MALRD1: variants seen among roughly 807,000 people sequenced by gnomAD.
MALRD1 encodes the protein MAM and LDL receptor class A domain containing 1.
Under a neutral mutation model 242.1 loss-of-function variants are expected in MALRD1, and 247 were observed. The observed-to-expected ratio is 1.02, with a 90% confidence interval of 0.92 to 1.13. The LOEUF (loss-of-function observed/expected upper bound fraction) is 1.13, where lower values mean the gene tolerates loss of function less well. MALRD1 is among the 50% of genes most tolerant of loss of function. The pLI is 0.00. For missense variants in MALRD1, 2,989 were observed against 2,533.1 expected, an observed-to-expected ratio of 1.18 and a Z score of -3.86; for synonymous variants, 995 against 866.6, an observed-to-expected ratio of 1.15 and a Z score of -2.60.
intron 36 of MALRD1, among the ~76,000 whole-genome samples, chr10:19,670,066 G>GCACACACACACA (rs3071775): frequency 2.0e-5 from 3 of 148,362 alleles, no homozygotes; most frequent in African/African-American, 7.4e-5. Flanking sequence ...CCTCGCACGT[G>GCACACACACACA]CACACACACA....
intron 32 of MALRD1, among the ~76,000 whole-genome samples, chr10:19,560,908 T>G (rs554568567): frequency 6.6e-6 from 1 of 152,016 alleles, no homozygotes; most frequent in East Asian, 1.9e-4. Context: ...TGTATACCTA[T>G]GTAACAAACC....
chr10:19,121,352 T>C (rs562558728), intron 5 of MALRD1, among the ~76,000 whole-genome samples: 2 of 152,224 alleles, frequency 1.3e-5, no homozygotes. Context: ...CTTGTACACT[T>C]TAAAATAGAT....
intron 2 of MALRD1, among the ~76,000 whole-genome samples, chr10:19,076,425 C>T (rs1258903033): frequency 1.3e-5 from 2 of 151,918 alleles, no homozygotes; most frequent in African/African-American, 2.4e-5. Context: ...TTACAGTTCC[C>T]TGTAAGAGTT....
chr10:19,292,080 CAAAAAAA>C (rs756211363), intron 21 of MALRD1, among the ~76,000 whole-genome samples: 4 of 88,036 alleles, frequency 4.5e-5, no homozygotes, highest in African/African-American at 1.8e-4. Flanking sequence ...AAGACCGTCT[CAAAAAAA>C]AAAAAAAAAA....
At chr10:19,270,180 G>A (rs1840147119) in intron 19 of MALRD1, among the ~76,000 whole-genome samples, 2 of 152,236 alleles carry the variant, frequency 1.3e-5, no homozygotes, top group Middle Eastern at 3.4e-3. Flanking sequence ...GATGGGCATG[G>A]TGGTAGGTGC....
chr10:19,616,355 A>T (rs1839156594), intron 36 of MALRD1, among the ~76,000 whole-genome samples: 1 of 152,032 alleles, frequency 6.6e-6, no homozygotes, highest in South Asian at 2.1e-4. Context: ...TTGCTGGTTT[A>T]TGCAGTGGGT....
intron 36 of MALRD1, among the ~76,000 whole-genome samples, chr10:19,659,359 A>T (rs1489638799): frequency 6.6e-6 from 1 of 152,164 alleles, no homozygotes; most frequent in African/African-American, 2.4e-5. Flanking sequence ...TGTGTATTTC[A>T]CAAATAAGCA....
chr10:19,721,375 G>C (rs953051580), intron 38 of MALRD1, among the ~76,000 whole-genome samples: 15 of 152,078 alleles, frequency 9.9e-5, no homozygotes, highest in Non-Finnish European at 1.6e-4. Flanking sequence ...GTTTACTTCT[G>C]TGGGACAACT....
intron 33 of MALRD1, among the ~76,000 whole-genome samples, chr10:19,584,186 C>G (rs1317882050): frequency 6.6e-6 from 1 of 151,826 alleles, no homozygotes; most frequent in African/African-American, 2.4e-5. Flanking sequence ...CTCCTGGATT[C>G]ATTGATTTTT....
At chr10:19,465,660 A>G (rs754993711) in intron 29 of MALRD1, among the ~76,000 whole-genome samples, 46 of 152,142 alleles carry the variant, frequency 3.0e-4, no homozygotes, top group Non-Finnish European at 5.4e-4. Context: ...CCTCTCAAGT[A>G]GCCATGACCA....
intron 31 of MALRD1, among the ~76,000 whole-genome samples, chr10:19,524,540 G>T (rs1363478733): frequency 1.3e-5 from 2 of 152,054 alleles, no homozygotes; most frequent in South Asian, 2.1e-4. Context: ...GATTGAGAGC[G>T]TTTCACCTGA....
intron 25 of MALRD1, among the ~76,000 whole-genome samples, chr10:19,348,450 C>CAA (rs138513051): frequency 1.9e-4 from 28 of 150,114 alleles, no homozygotes; most frequent in Admixed American, 5.3e-4. Context: ...GTTAGAGCCA[C>CAA]AAAAAAAAAT....
Position 19,156,382 on chromosome 10 carries a change from T to C in MALRD1, c.1656+1210T>C, listed in dbSNP as rs1049192033. On this transcript the variant is annotated intron_variant, in intron 12 of 39. Transcript: ENST00000454679. ...GGTCTCCATTTCCATTTTATCCAAA[T>C]GCCTTTTACCCATTCCCACCTCTTT... 5.9e-5 allele frequency among the ~76,000 whole-genome samples: 9 copies of C among 151,704 alleles called. No homozygotes were observed. In the South Asian group the frequency reaches 1.2e-3, roughly 21 times the overall value.
chr10:19,650,154 G>A (rs1840803685), intron 36 of MALRD1, among the ~76,000 whole-genome samples: 1 of 152,174 alleles, frequency 6.6e-6, no homozygotes, highest in African/African-American at 2.4e-5. Context: ...ATTTTCCTGA[G>A]TAGGATTAGC....
chr10:19,144,641 A>G (rs1040598791), intron 10 of MALRD1, among the ~76,000 whole-genome samples: 1 of 152,202 alleles, frequency 6.6e-6, no homozygotes, highest in African/African-American at 2.4e-5. Flanking sequence ...AAGCAAACCC[A>G]TGGTGATGGA....
rs7078992 is a variant in MALRD1 at position 19,531,510 on chromosome 10, G to T, written c.5478+159G>T. Among the ~76,000 whole-genome samples the T allele has an allele frequency of 4.3e-3, 648 of 152,308 alleles. 4 individuals carry two copies. Among genetic ancestry groups the T allele is most frequent in the African/African-American group, 0.015 (619 of 41,574 alleles). On this transcript the variant is annotated intron_variant, in intron 32 of 39. Coordinates refer to ENST00000454679, the MANE Select transcript of MALRD1 (RefSeq NM_001142308.3). ...TGGGGCAGTGGGACTTTGGCAAGCT[G>T]TGCTGTCATTCATCTTAATCTCATT...
At chr10:19,595,499 C>T (rs199512154) in intron 34 of MALRD1, 42 bp downstream of exon 34, 128 of 1,520,356 alleles carry the variant, frequency 8.4e-5, no homozygotes, top group Non-Finnish European at 9.8e-5. Flanking sequence ...GGAAGGCATG[C>T]TGCTTTAAAA....
chr10:19,689,692 A>C (rs1842742361), intron 36 of MALRD1, among the ~76,000 whole-genome samples: 1 of 152,118 alleles, frequency 6.6e-6, no homozygotes, highest in South Asian at 2.1e-4. Flanking sequence ...CTTTGGCTTA[A>C]CGTTTTTGGT....
intron 29 of MALRD1, among the ~76,000 whole-genome samples, chr10:19,475,964 A>G (rs1836709668): frequency 6.6e-6 from 1 of 152,220 alleles, no homozygotes; most frequent in Non-Finnish European, 1.5e-5. Context: ...TATTACACAC[A>G]TCAGTGATTA....
Sources: allele counts gnomAD v4.1 joint callset (sites outside exome capture counted in the v4.1 genomes callset), GRCh38; gene constraint gnomAD v4.1.1; transcripts MANE v1.5; gene names NCBI Gene and HGNC (gene_info 2026-07-23, HGNC 2026-07-21).